PRKCQ: variants seen among roughly 807,000 people sequenced by gnomAD.
The protein encoded by PRKCQ is protein kinase C theta type.
Under a neutral mutation model 91.2 loss-of-function variants are expected in PRKCQ, and 41 were observed. The observed-to-expected ratio is 0.45, with a 90% CI of 0.35 to 0.58. The LOEUF (loss-of-function observed/expected upper bound fraction) is 0.58, where lower values mean the gene tolerates loss of function less well. Among genes scored for constraint, PRKCQ ranks in the 20% least tolerant of loss-of-function variants. PRKCQ has a pLI of 0.00. For synonymous variants in PRKCQ, 307 were observed against 316.9 expected (o/e 0.97, Z 0.33); for missense variants, 673 against 896.5 (o/e 0.75, Z 3.18).
At chr10:6,450,394 T>C (rs986643573) in intron 15 of PRKCQ, among the ~76,000 whole-genome samples, 3 of 152,004 alleles carry the variant, frequency 2.0e-5, no homozygotes, top group African/African-American at 7.3e-5. Context: ...CCTAAATATA[T>C]ATGCATCCAA....
chr10:6,428,968 C>CCAAA (rs1243048955), intron 17 of PRKCQ, among the ~76,000 whole-genome samples: 4 of 152,176 alleles, frequency 2.6e-5, no homozygotes, highest in Admixed American at 6.5e-5. Context: ...CAAAACCAAA[C>CCAAA]CAAACAACAG....
chr10:6,425,223 C>CTAT (rs897420684), downstream of PRKCQ, among the ~76,000 whole-genome samples: 3 of 127,400 alleles, frequency 2.4e-5, no homozygotes, highest in African/African-American at 8.1e-5. Context: ...GGTCTCTCCT[C>CTAT]TATTTTTTTT....
At chr10:6,522,985 TA>T (rs955451713) in intron 1 of PRKCQ, among the ~76,000 whole-genome samples, 8 of 150,838 alleles carry the variant, frequency 5.3e-5, no homozygotes, top group African/African-American at 7.3e-5. Flanking sequence ...AAAAGAAACA[TA>T]AAAAAAAACT....
intron 1 of PRKCQ, among the ~76,000 whole-genome samples, chr10:6,541,897 C>T (rs1839788487): frequency 6.6e-6 from 1 of 152,166 alleles, no homozygotes; most frequent in Non-Finnish European, 1.5e-5. Context: ...TTCATATGCA[C>T]ATTTCAAATG....
rs1836423348 is a variant in PRKCQ at position 6,478,937 on chromosome 10, TATC to T, written c.1353+52_1353+54del. 9 of 1,583,186 alleles carry T rather than the reference TATC, an allele frequency of 5.7e-6. No individual in the cohort carries two copies. In the Admixed American group the frequency reaches 1.6e-4, roughly 28 times the overall value. On this transcript the variant is annotated intron_variant, in intron 12 of 17. Coordinates refer to ENST00000263125, the MANE Select transcript of PRKCQ (RefSeq NM_006257.5). Reference sequence around the variant, plus strand: ...CTCCTAATGAGGGCGCCATTGAAGGTATCATGCTGAGACAGGTTAGAGGGGAGG... The same window carrying T: ...CTCCTAATGAGGGCGCCATTGAAGGTATGCTGAGACAGGTTAGAGGGGAGG...
At chr10:6,452,969 C>G (rs1447694216) in intron 15 of PRKCQ, among the ~76,000 whole-genome samples, 1 of 150,348 alleles carries the variant, frequency 6.7e-6, no homozygotes, top group Admixed American at 6.6e-5. Context: ...CCATAAAAAC[C>G]CTAGAAGAAA....
At chr10:6,418,331 T>C in the PRKCQ span, among the ~76,000 whole-genome samples, 5 of 152,210 alleles carry the variant, frequency 3.3e-5, no homozygotes, top group African/African-American at 9.7e-5. Flanking sequence ...AAAGAGCTGA[T>C]AGGCAGGGCT....
Position 6,487,240 on chromosome 10 carries a change from C to T in PRKCQ, c.791-1096G>A, listed in dbSNP as rs74837113. 1.5e-3 allele frequency among the ~76,000 whole-genome samples: 224 copies of T among 152,240 alleles called. 6 individuals are homozygous for T. In the East Asian group the frequency reaches 0.038, roughly 26 times the overall value. ...CATAAAGAAAGTGATATTTCTTGCACGCATGAACTGATGGCGTAAATTGAC... is the reference window on the plus strand; with the variant it reads ...CATAAAGAAAGTGATATTTCTTGCATGCATGAACTGATGGCGTAAATTGAC... On this transcript the variant is annotated intron_variant, in intron 8 of 17. Coordinates refer to ENST00000263125, the MANE Select transcript of PRKCQ (RefSeq NM_006257.5).
chr10:6,400,971 A>G, the PRKCQ span, among the ~76,000 whole-genome samples: 1 of 152,350 alleles, frequency 6.6e-6, no homozygotes, highest in East Asian at 1.9e-4. Flanking sequence ...AAAATTAAAT[A>G]ATTCAAATTT....
chr10:6,468,741 T>C (rs1340351380), intron 12 of PRKCQ, among the ~76,000 whole-genome samples: 1 of 152,206 alleles, frequency 6.6e-6, no homozygotes, highest in African/African-American at 2.4e-5. Context: ...GATCAAAATA[T>C]TTATGACAAA....
chr10:6,474,163 A>G (rs1433841454), intron 12 of PRKCQ, among the ~76,000 whole-genome samples: 1 of 152,240 alleles, frequency 6.6e-6, no homozygotes, highest in Non-Finnish European at 1.5e-5. Flanking sequence ...ATTGACCAAG[A>G]ATGTTCAACT....
intron 1 of PRKCQ, among the ~76,000 whole-genome samples, chr10:6,565,994 C>T (rs952755173): frequency 2.0e-5 from 3 of 152,086 alleles, no homozygotes; most frequent in African/African-American, 4.8e-5. Flanking sequence ...AAAGAGTTCC[C>T]ATTCTTAGAG....
intron 15 of PRKCQ, among the ~76,000 whole-genome samples, chr10:6,443,271 G>T (rs1035455383): frequency 1.3e-5 from 2 of 152,164 alleles, no homozygotes; most frequent in Non-Finnish European, 2.9e-5. Flanking sequence ...TACATGGTAG[G>T]ACCCATCCAT....
chr10:6,499,561 CAAAT>C (rs1287413298), intron 4 of PRKCQ, among the ~76,000 whole-genome samples: 1 of 152,026 alleles, frequency 6.6e-6, no homozygotes. Context: ...AAATGATACA[CAAAT>C]AAATATGTGA....
At chr10:6,567,337 G>T (rs1273889128) in intron 1 of PRKCQ, among the ~76,000 whole-genome samples, 1 of 152,224 alleles carries the variant, frequency 6.6e-6, no homozygotes, top group Non-Finnish European at 1.5e-5. Context: ...ACAAAGACAG[G>T]GATATGCTTG....
the PRKCQ span, among the ~76,000 whole-genome samples, chr10:6,413,338 T>C: frequency 6.6e-6 from 1 of 152,148 alleles, no homozygotes; most frequent in African/African-American, 2.4e-5. Context: ...ATATAAATAT[T>C]AAAACTTCTC....
the PRKCQ span, among the ~76,000 whole-genome samples, chr10:6,410,931 C>CACA: frequency 1.4e-5 from 2 of 139,296 alleles, no homozygotes; most frequent in Non-Finnish European, 3.1e-5. Flanking sequence ...GAGCCGAGAT[C>CACA]ACACCACTGC....
intron 1 of PRKCQ, among the ~76,000 whole-genome samples, chr10:6,562,972 T>G (rs1840690844): frequency 6.6e-6 from 1 of 152,180 alleles, no homozygotes; most frequent in African/African-American, 2.4e-5. Flanking sequence ...AAATATTTTC[T>G]GTAGTGATTA....
At chr10:6,495,649 T>C (rs1456596092) in intron 7 of PRKCQ, among the ~76,000 whole-genome samples, 1 of 152,240 alleles carries the variant, frequency 6.6e-6, no homozygotes, top group Admixed American at 6.5e-5. Context: ...ACGTCTGTTT[T>C]GTGTTATGCT....
Sources: allele counts gnomAD v4.1 joint callset (sites outside exome capture counted in the v4.1 genomes callset), GRCh38; gene constraint gnomAD v4.1.1; transcripts MANE v1.5; gene names NCBI Gene and HGNC (gene_info 2026-07-23, HGNC 2026-07-21).